The following HEATR4 variants were observed in gnomAD, a reference collection of about 807,000 sequenced individuals.
The protein encoded by HEATR4 is HEAT repeat containing 4.
In HEATR4, 95 loss-of-function variants were observed where a neutral mutation model predicts 108.8. The ratio of observed to expected loss-of-function variants is 0.87; its 90% confidence interval spans 0.74 to 1.04. The LOEUF (loss-of-function observed/expected upper bound fraction) is 1.04. HEATR4 is among the 50% of genes least tolerant of loss of function. The pLI is 0.00. For missense variants in HEATR4, 1,152 were observed against 1,253.8 expected (o/e 0.92, Z 1.23); for synonymous variants, 443 against 459.4 (o/e 0.96, Z 0.46).
intron 5 of HEATR4, among the ~76,000 whole-genome samples, chr14:73,515,450 C>T (rs948047573): frequency 7.2e-5 from 11 of 151,876 alleles, no homozygotes; most frequent in South Asian, 6.2e-4. Flanking sequence ...GAGGCCAAAG[C>T]GGGTGGATCA....
intron 17 of HEATR4, chr14:73,490,986 G>A (rs372156920): frequency 9.8e-6 from 13 of 1,331,246 alleles, no homozygotes; most frequent in South Asian, 4.4e-5. Flanking sequence ...GCCCCCGGCC[G>A]GCCGGGCGGG....
chr14:73,632,989 TTC>T, the HEATR4 span, among the ~76,000 whole-genome samples: 19 of 144,696 alleles, frequency 1.3e-4, no homozygotes, highest in Non-Finnish European at 2.6e-4. Flanking sequence ...TAATTCAGCT[TTC>T]TCTCTCTCTC....
intron 13 of HEATR4, 73 bp downstream of exon 13, chr14:73,498,998 C>T (rs1886259955): frequency 1.6e-6 from 2 of 1,281,396 alleles, no homozygotes; most frequent in East Asian, 4.6e-5. Flanking sequence ...TAGAGAGTTT[C>T]AGGGGATCAT....
chr14:73,601,314 A>G, the HEATR4 span, among the ~76,000 whole-genome samples: 1 of 152,124 alleles, frequency 6.6e-6, no homozygotes. Flanking sequence ...CTGTAATCCC[A>G]GCACTTTGGG....
At chr14:73,617,253 T>G in the HEATR4 span, 1 of 1,600,570 alleles carries the variant, frequency 6.2e-7, no homozygotes, top group Non-Finnish European at 8.6e-7. Context: ...CAGGGCTGAA[T>G]CCAAAAGCCC....
the HEATR4 span, among the ~76,000 whole-genome samples, chr14:73,593,340 T>TC: frequency 5.7e-3 from 795 of 139,580 alleles, 9 homozygotes; most frequent in African/African-American, 0.02. Context: ...TTCTTTCTTT[T>TC]TTTTTTTTTT....
At chr14:73,604,536 A>G in the HEATR4 span, among the ~76,000 whole-genome samples, 1 of 151,744 alleles carries the variant, frequency 6.6e-6, no homozygotes, top group South Asian at 2.1e-4. Context: ...CCCAGGCTGG[A>G]GTGCAATGGT....
chr14:73,618,692 G>A, the HEATR4 span, among the ~76,000 whole-genome samples: 2 of 152,208 alleles, frequency 1.3e-5, no homozygotes. Flanking sequence ...GGTATAGGGT[G>A]TCTGGGCCTC....
the HEATR4 span, among the ~76,000 whole-genome samples, chr14:73,566,592 T>C: frequency 1.3e-5 from 2 of 152,154 alleles, no homozygotes; most frequent in African/African-American, 4.8e-5. Context: ...AAGCCCCTCA[T>C]TGCCCGGGGC....
In HEATR4 at chr14:73,509,854, A is replaced by ATT. The variant is rs1566832282; in HGVS notation, c.1559-382_1559-381insAA. ...TATATATATATATATATATATATAT[A>ATT]TATATATATATATATTTATTTATTT... is the stretch of plus-strand genomic sequence containing the variant. On this transcript the variant is annotated intron_variant, in intron 7 of 17. Transcript: ENST00000553558. 5.6e-4 allele frequency among the ~76,000 whole-genome samples: 33 copies of ATT among 58,572 alleles called. 3 individuals are homozygous for ATT. Among genetic ancestry groups the ATT allele is most frequent in the African/African-American group, 2.1e-3 (29 of 13,654 alleles). The allele number at this position is 58,572 out of a possible 152,430, so 38.4% of individuals were successfully genotyped here.
chr14:73,595,217 T>C, the HEATR4 span: 1 of 1,614,250 alleles, frequency 6.2e-7, no homozygotes, highest in South Asian at 1.1e-5. Flanking sequence ...ACCATTGGGC[T>C]ATGACCTGAG....
chr14:73,574,791 A>G, the HEATR4 span: 1 of 1,552,922 alleles, frequency 6.4e-7, no homozygotes, highest in Non-Finnish European at 8.8e-7. Flanking sequence ...AAATCTGGGT[A>G]AATGGTAGAA....
chr14:73,606,183 C>T, the HEATR4 span, among the ~76,000 whole-genome samples: 1 of 152,046 alleles, frequency 6.6e-6, no homozygotes, highest in East Asian at 1.9e-4. Context: ...ATGGAGAAAA[C>T]CCGTCTCTAC....
At chr14:73,545,287 T>C (rs113671067) in intron 1 of HEATR4, among the ~76,000 whole-genome samples, 2,286 of 112,944 alleles carry the variant, frequency 0.02, 534 homozygotes, top group African/African-American at 0.06. Flanking sequence ...CCTGAATTAC[T>C]GAGCTCAAAC....
At chr14:73,496,322 A>G (rs1218357349) in intron 15 of HEATR4, among the ~76,000 whole-genome samples, 1 of 152,182 alleles carries the variant, frequency 6.6e-6, no homozygotes, top group Non-Finnish European at 1.5e-5. Flanking sequence ...GATGGGGAGA[A>G]AATAGGAAGG....
chr14:73,562,749 C>T (rs1445816914), upstream of HEATR4, among the ~76,000 whole-genome samples: 1 of 151,960 alleles, frequency 6.6e-6, no homozygotes, highest in Admixed American at 6.6e-5. Flanking sequence ...CTGCAGAACC[C>T]TCAGGCTTAC....
the HEATR4 span, chr14:73,617,298 G>T: frequency 6.8e-7 from 1 of 1,467,340 alleles, no homozygotes; most frequent in East Asian, 2.3e-5. Flanking sequence ...CATGCCAGGA[G>T]ATACCAAGTC....
chr14:73,496,435 G>A (rs564075468), intron 15 of HEATR4, among the ~76,000 whole-genome samples, 166 bp downstream of exon 15: 2 of 152,210 alleles, frequency 1.3e-5, no homozygotes, highest in South Asian at 2.1e-4. Flanking sequence ...ACCCAATCTT[G>A]CACAGATGCT....
chr14:73,620,933 G>A, the HEATR4 span, among the ~76,000 whole-genome samples: 1 of 151,858 alleles, frequency 6.6e-6, no homozygotes, highest in Non-Finnish European at 1.5e-5. Flanking sequence ...GGCCGGGCAC[G>A]GTGGCTCACG....
Sources: allele counts gnomAD v4.1 joint callset (sites outside exome capture counted in the v4.1 genomes callset), GRCh38; gene constraint gnomAD v4.1.1; transcripts MANE v1.5; gene names NCBI Gene and HGNC (gene_info 2026-07-23, HGNC 2026-07-21).